ITPR2: variants seen among roughly 807,000 people sequenced by gnomAD.
ITPR2 encodes inositol 1,4,5-trisphosphate-gated calcium channel ITPR2.
Under a neutral mutation model 317.1 loss-of-function variants are expected in ITPR2, and 207 were observed. The observed-to-expected ratio is 0.65, with a 90% confidence interval of 0.58 to 0.73. The LOEUF (loss-of-function observed/expected upper bound fraction) is 0.73. Among genes scored for constraint, ITPR2 ranks in the 30% least tolerant of loss-of-function variants. ITPR2 has a pLI of 0.00. For synonymous variants in ITPR2, 1,156 were observed against 1,149.1 expected, an observed-to-expected ratio of 1.01 and a Z score of -0.12; for missense variants, 2,613 against 3,284.0, an observed-to-expected ratio of 0.80 and a Z score of 4.99.
At chr12:26,815,212 T>C (rs1950830474) in intron 1 of ITPR2, among the ~76,000 whole-genome samples, 1 of 151,936 alleles carries the variant, frequency 6.6e-6, no homozygotes, top group Admixed American at 6.6e-5. Flanking sequence ...ACGCCTCTAG[T>C]CCCCAGCTAC....
In ITPR2 at chr12:26,628,023, A is replaced by G; in HGVS notation, c.3064+10T>C. ...AAATAAAAAGAGTAAATACTGTCACAAAAAGATACCTGATGGTAGTAAAGT... is the reference window on the plus strand; with the variant it reads ...AAATAAAAAGAGTAAATACTGTCACGAAAAGATACCTGATGGTAGTAAAGT... On this transcript the variant is annotated intron_variant, in intron 23 of 56. Transcript: ENST00000381340. 6.3e-7 allele frequency: 1 copy of G among 1,595,236 alleles called. No individual in the cohort carries two copies. Among genetic ancestry groups the G allele is most frequent in the Non-Finnish European group, 8.5e-7 (1 of 1,174,258 alleles).
chr12:26,567,997 T>TATATATTATATATA, intron 34 of ITPR2, among the ~76,000 whole-genome samples: 2 of 4,810 alleles, frequency 4.2e-4, no homozygotes, highest in East Asian at 1.8e-3. Flanking sequence ...TATATATATA[T>TATATATTATATATA]TATATATATT....
intron 55 of ITPR2, among the ~76,000 whole-genome samples, chr12:26,351,197 GGT>G (rs1241229418): frequency 1.3e-5 from 2 of 152,192 alleles, no homozygotes; most frequent in African/African-American, 4.8e-5. Flanking sequence ...CCAACATGAG[GGT>G]GAGAAACACT....
chr12:26,696,228 C>T (rs1039278565), intron 9 of ITPR2, among the ~76,000 whole-genome samples: 1 of 152,012 alleles, frequency 6.6e-6, no homozygotes, highest in African/African-American at 2.4e-5. Context: ...GAGTACAGAC[C>T]CTTGCATCAT....
chr12:26,358,563 C>T (rs1460028407), intron 55 of ITPR2, among the ~76,000 whole-genome samples: 2 of 152,248 alleles, frequency 1.3e-5, no homozygotes, highest in Admixed American at 1.3e-4. Context: ...ATCATCCCGG[C>T]TGTGTTTTGT....
intron 39 of ITPR2, among the ~76,000 whole-genome samples, chr12:26,490,911 C>T (rs997477439): frequency 5.3e-5 from 8 of 152,140 alleles, no homozygotes; most frequent in African/African-American, 1.9e-4. Context: ...CAATTCTACC[C>T]AGTGAGATAT....
intron 13 of ITPR2, among the ~76,000 whole-genome samples, chr12:26,680,563 G>C (rs1229174522): frequency 6.6e-6 from 1 of 152,000 alleles, no homozygotes; most frequent in East Asian, 1.9e-4. Flanking sequence ...GAAACTGATA[G>C]ATAAAATCAC....
intron 22 of ITPR2, among the ~76,000 whole-genome samples, chr12:26,629,746 C>T (rs903714164): frequency 4.3e-4 from 64 of 149,446 alleles, no homozygotes; most frequent in African/African-American, 1.3e-3. Context: ...TTCTCTTTTT[C>T]TCTCTCTCTC....
intron 37 of ITPR2, among the ~76,000 whole-genome samples, chr12:26,516,123 CAAAAGAA>C (rs1943483870): frequency 9.3e-6 from 1 of 107,446 alleles, no homozygotes. Flanking sequence ...GACCCTGTCT[CAAAAGAA>C]AAAAGAAAAG....
intron 45 of ITPR2, among the ~76,000 whole-genome samples, chr12:26,454,497 T>A (rs1282750997): frequency 6.6e-6 from 1 of 152,160 alleles, no homozygotes; most frequent in African/African-American, 2.4e-5. Flanking sequence ...TAAGCCACCA[T>A]GCCGGGCCAG....
rs190289000 is a variant in ITPR2, at chr12:26,602,239, G to T, written c.3678+131C>A. 9.3e-6 allele frequency: 8 copies of T among 859,210 alleles called. No individual in the cohort carries two copies. In the African/African-American group the frequency reaches 1.4e-4, roughly 15 times the overall value. 53.2% of individuals were successfully genotyped at this position (859,210 alleles called of 1,614,324 possible). Reference sequence around the variant, plus strand: ...AGAAAACATACACAAAAGGGCTCAGGGGTGATGGGGCACCTGGTGGGTGAT... The same window carrying T: ...AGAAAACATACACAAAAGGGCTCAGTGGTGATGGGGCACCTGGTGGGTGAT... On this transcript the variant is annotated intron_variant, in intron 28 of 56. Transcript: ENST00000381340.
intron 1 of ITPR2, among the ~76,000 whole-genome samples, chr12:26,817,380 T>G (rs1950877571): frequency 6.6e-6 from 1 of 152,086 alleles, no homozygotes; most frequent in African/African-American, 2.4e-5. Flanking sequence ...TAATAAAGCC[T>G]CAATAGCAGT....
At chr12:26,345,456 A>G (rs1488340) in intron 55 of ITPR2, among the ~76,000 whole-genome samples, 148,566 of 152,282 alleles carry the variant, frequency 0.98, 72,588 homozygotes, top group Non-Finnish European at 1. Context: ...AACTAATAAC[A>G]AAATAGTACA....
chr12:26,463,678 A>T (rs960757928), intron 45 of ITPR2, among the ~76,000 whole-genome samples: 1 of 110,710 alleles, frequency 9.0e-6, no homozygotes, highest in Non-Finnish European at 2.2e-5. Context: ...AAAACAAAAC[A>T]CAAAAAACAA....
At chr12:26,547,930 G>A (rs1435670776) in intron 37 of ITPR2, among the ~76,000 whole-genome samples, 2 of 152,164 alleles carry the variant, frequency 1.3e-5, no homozygotes, top group Non-Finnish European at 2.9e-5. Context: ...CAAAAAATTT[G>A]TAAAACTTGG....
intron 32 of ITPR2, among the ~76,000 whole-genome samples, chr12:26,589,817 TAAATAAATAAATAAAC>T (rs1482585190): frequency 0.066 from 2,151 of 32,820 alleles, 212 homozygotes; most frequent in Non-Finnish European, 0.091. Flanking sequence ...AAAAAATAAA[TAAATAAATAAATAAAC>T]ATATATATAT....
chr12:26,832,752 G>A lies in ITPR2; in HGVS notation c.30C>T (p.Tyr10=). 6.2e-7 allele frequency: 1 copy of A among 1,603,244 alleles called. No homozygotes were observed. Among genetic ancestry groups the A allele is most frequent in the Non-Finnish European group, 8.5e-7 (1 of 1,175,490 alleles). Residue 10 remains tyrosine (Y), a synonymous_variant, in exon 1 of 57, where the codon TAC becomes TAT. Transcript: ENST00000381340. The stretch of plus-strand genomic sequence containing the variant: ...CGTACAGGGACACGATGTCCCCTAT[G>A]TAGAGGAAGCTGGACATTTTCTCAG... MTEKMSSFL[Y]IGDIVSLYAE...
intron 34 of ITPR2, among the ~76,000 whole-genome samples, chr12:26,573,087 C>T (rs1184571839): frequency 6.6e-6 from 1 of 151,558 alleles, no homozygotes; most frequent in Non-Finnish European, 1.5e-5. Flanking sequence ...TGTAGTGGTG[C>T]GAACATAGCT....
chr12:26,638,505 G>A (rs192851130), intron 21 of ITPR2, among the ~76,000 whole-genome samples: 42 of 152,210 alleles, frequency 2.8e-4, no homozygotes, highest in Admixed American at 1.5e-3. Flanking sequence ...CAAAGGCAAC[G>A]ATGCTCTTGA....
Sources: allele counts gnomAD v4.1 joint callset (sites outside exome capture counted in the v4.1 genomes callset), GRCh38; gene constraint gnomAD v4.1.1; transcripts MANE v1.5; gene names NCBI Gene and HGNC (gene_info 2026-07-23, HGNC 2026-07-21).